GGNBP2: variants seen among roughly 807,000 people sequenced by gnomAD.
GGNBP2 encodes gametogenetin-binding protein 2.
A neutral mutation model predicts 85.9 loss-of-function variants in GGNBP2; 10 were observed. The observed-to-expected ratio is 0.12, with a 90% CI of 0.07 to 0.20. The LOEUF (loss-of-function observed/expected upper bound fraction) is 0.20. Among genes scored for constraint, GGNBP2 ranks in the 10% least tolerant of loss-of-function variants. GGNBP2 has a pLI of 1.00. For missense variants in GGNBP2, 595 were observed against 857.8 expected (o/e 0.69, Z 3.83); for synonymous variants, 287 against 285.7 (o/e 1.00, Z -0.05).
rs948969663 is a variant in GGNBP2 at position 36,589,520 on chromosome 17, C to T, written c.*109C>T. On this transcript the variant is annotated 3_prime_UTR_variant, in exon 14 of 14. Coordinates refer to ENST00000613102, the MANE Select transcript of GGNBP2 (RefSeq NM_024835.5). ...CTTATGGCAAAATTTTATCTTAAAT[C>T]AATGTGATTCTTTCTTGTTTTGGGA... 5.4e-5 allele frequency: 40 copies of T among 747,062 alleles called. No individual in the cohort carries two copies. The highest frequency in any genetic ancestry group is 8.3e-5 in the Non-Finnish European group (37 of 447,088). The allele number at this position is 747,062 out of a possible 1,614,324, so 46.3% of individuals were successfully genotyped here.
chr17:36,552,754 C>G (rs1336716268), intron 2 of GGNBP2, among the ~76,000 whole-genome samples: 1 of 152,166 alleles, frequency 6.6e-6, no homozygotes, highest in African/African-American at 2.4e-5. Flanking sequence ...GGCGTGGTGA[C>G]TCACGCCTGT....
At chr17:36,569,536 TA>T (rs1467442147) in intron 6 of GGNBP2, among the ~76,000 whole-genome samples, 7 of 152,226 alleles carry the variant, frequency 4.6e-5, no homozygotes, top group Non-Finnish European at 8.8e-5. Flanking sequence ...TATACACAAT[TA>T]TTTTGGGAGT....
intron 9 of GGNBP2, among the ~76,000 whole-genome samples, chr17:36,584,232 TTGA>T (rs745433065): frequency 3.9e-5 from 6 of 152,248 alleles, no homozygotes; most frequent in Non-Finnish European, 7.3e-5. Flanking sequence ...TCAAGTGAAC[TTGA>T]TGTTCCAGGA....
At position 36,589,442 on chromosome 17, in the gene GGNBP2, A is replaced by G; in HGVS notation, c.*31A>G. 4 of 1,538,948 alleles carry G rather than the reference A, an allele frequency of 2.6e-6. No individual in the cohort carries two copies. ...TAAAATAGCTCTGTCTTTCAATGAA[A>G]CACTCACGATGACTACTGCGCCTTC... is the stretch of plus-strand genomic sequence containing the variant. On this transcript the variant is annotated 3_prime_UTR_variant, in exon 14 of 14. Transcript: ENST00000613102.
At chr17:36,571,251 A>T (rs2074521316) in intron 6 of GGNBP2, among the ~76,000 whole-genome samples, 1 of 152,118 alleles carries the variant, frequency 6.6e-6, no homozygotes, top group South Asian at 2.1e-4. Context: ...TGGGCAACAT[A>T]GGGAGGCCCA....
chr17:36,554,621 C>A (rs893184487), intron 2 of GGNBP2, among the ~76,000 whole-genome samples, 199 bp from the exon 3 acceptor site: 2 of 151,914 alleles, frequency 1.3e-5, no homozygotes, highest in African/African-American at 4.8e-5. Context: ...CCGCCCCCCA[C>A]CCCACTGGCC....
intron 2 of GGNBP2, among the ~76,000 whole-genome samples, chr17:36,554,352 A>ATTTTTT (rs780217291): frequency 9.9e-4 from 44 of 44,506 alleles, no homozygotes; most frequent in Non-Finnish European, 1.2e-3. Flanking sequence ...ATGTACTTGA[A>ATTTTTT]TTTTTTTTTT....
chr17:36,579,027 A>C, intron 7 of GGNBP2: 1 of 498,068 alleles, frequency 2.0e-6, no homozygotes. Flanking sequence ...GAATTACTTT[A>C]TTTTTAGCAA....
chr17:36,550,132 G>A (rs911995971), intron 2 of GGNBP2, among the ~76,000 whole-genome samples: 2 of 151,644 alleles, frequency 1.3e-5, no homozygotes, highest in Admixed American at 1.3e-4. Flanking sequence ...GAGACGAGGC[G>A]TCACCATTTT....
Position 36,556,294 on chromosome 17 carries a change from C to T in GGNBP2, c.175-789C>T, listed in dbSNP as rs187329967. 2.6e-4 allele frequency among the ~76,000 whole-genome samples: 39 copies of T among 152,298 alleles called. No individual in the cohort carries two copies. In the East Asian group the frequency reaches 6.4e-3, roughly 25 times the overall value. On this transcript the variant is annotated intron_variant, in intron 3 of 13. Transcript: ENST00000613102. ...TTTCTCCCATTAATTCGTAATATAC[C>T]TGTTCATGCCTCTGGATTGGGAATT...
Position 36,586,140 on chromosome 17 carries a change from C to T in GGNBP2, c.1583C>T (p.Thr528Ile). The T allele has an allele frequency of 6.2e-7, 1 of 1,613,222 alleles. No individual in the cohort carries two copies. The highest frequency in any genetic ancestry group is 8.5e-7 in the Non-Finnish European group (1 of 1,179,708). ...TGGGCAAATTCTGAAGAGAACGACA[C>T]AAAAGGAAAAAATAAAAAGAAGAAG... ...ECWANSEEND[T>I]KGKNKKKKKK... The change falls in exon 12 of 14, where the codon ACA (threonine) becomes ATA (isoleucine). Residue 528 changes from threonine (T) to isoleucine (I), a missense_variant. Around this residue, in one of 9 missense-constraint regions of GGNBP2, gnomAD observed 9 missense variants for 29.8 expected, o/e 0.30. Transcript: ENST00000613102.
In GGNBP2 at chr17:36,560,113, G is replaced by C. The variant is rs568329068; in HGVS notation, c.429-660G>C. Among the ~76,000 whole-genome samples, 12 of 152,002 alleles carry C rather than the reference G, an allele frequency of 7.9e-5. 1 individual carries two copies. In the South Asian group the frequency reaches 2.5e-3, roughly 32 times the overall value. ...TGGGATTACAGGTGTGAGCCACCAT[G>C]CCTGGCCTCATTTTAAAATTTTCTG... On this transcript the variant is annotated intron_variant, in intron 4 of 13. Transcript: ENST00000613102.
At position 36,585,835 on chromosome 17, in the gene GGNBP2, C is replaced by A; in HGVS notation, c.1367-5C>A. 6.2e-7 allele frequency: 1 copy of A among 1,611,948 alleles called. No individual in the cohort carries two copies. On this transcript the variant is annotated splice_region_variant and splice_polypyrimidine_tract_variant and intron_variant, in intron 10 of 13. Coordinates refer to ENST00000613102, the MANE Select transcript of GGNBP2 (RefSeq NM_024835.5). ...AATAGTAACTCTCACTTGATTTATT[C>A]TCAGGCTTATCTCCACACTGTAATG... is the stretch of plus-strand genomic sequence containing the variant.
chr17:36,562,054 C>G (rs370843407), intron 5 of GGNBP2, among the ~76,000 whole-genome samples: 1 of 152,146 alleles, frequency 6.6e-6, no homozygotes, highest in Non-Finnish European at 1.5e-5. Context: ...ACAAAATTGC[C>G]TGGGGGTGGG....
intron 7 of GGNBP2, 38 bp downstream of exon 7, chr17:36,578,224 G>T: frequency 6.9e-7 from 1 of 1,458,894 alleles, no homozygotes; most frequent in South Asian, 1.2e-5. Context: ...GCTATCTAGC[G>T]CTTTGCTTCA....
intron 4 of GGNBP2, among the ~76,000 whole-genome samples, chr17:36,559,520 C>T (rs1169850463): frequency 6.6e-6 from 1 of 151,958 alleles, no homozygotes; most frequent in African/African-American, 2.4e-5. Flanking sequence ...AAAGTAAACC[C>T]GAGGCTTTCC....
At chr17:36,550,585 T>G (rs2074299427) in intron 2 of GGNBP2, among the ~76,000 whole-genome samples, 1 of 152,236 alleles carries the variant, frequency 6.6e-6, no homozygotes, top group Non-Finnish European at 1.5e-5. Context: ...AGTATATTGT[T>G]GGTTAGAACT....
At chr17:36,588,566 T>C (rs2074726477) in intron 13 of GGNBP2, among the ~76,000 whole-genome samples, 1 of 151,964 alleles carries the variant, frequency 6.6e-6, no homozygotes, top group Admixed American at 6.6e-5. Context: ...AGTTTTTTTC[T>C]TTTTTATGGT....
In GGNBP2 at chr17:36,581,475, G is replaced by T; in HGVS notation, c.1152G>T (p.Lys384Asn). 1 of 1,612,768 alleles carries T rather than the reference G, an allele frequency of 6.2e-7. No individual in the cohort carries two copies. The highest frequency in any genetic ancestry group is 8.5e-7 in the Non-Finnish European group (1 of 1,178,858). ...RQKRKNRRKN[K>N]CVCDIPTPLQ... is the part of the protein sequence containing the mutation. ...AACGGAAGAATAGACGAAAAAATAA[G>T]TGTGTGTGTGATATTCCTACTCCCT... Residue 384 changes from lysine (K) to asparagine (N), a missense_variant, in exon 9 of 14, where the codon AAG becomes AAT. Lys to Asn is a moderately conservative substitution (Grantham distance 94). Around this residue, in one of 9 missense-constraint regions of GGNBP2, gnomAD observed 85 missense variants for 92.6 expected, o/e 0.92. Transcript: ENST00000613102.
Sources: allele counts gnomAD v4.1 joint callset (sites outside exome capture counted in the v4.1 genomes callset), GRCh38; gene constraint gnomAD v4.1.1; regional missense constraint gnomAD v4.1.1; transcripts MANE v1.5; gene names NCBI Gene and HGNC (gene_info 2026-07-23, HGNC 2026-07-21).